Variants in CCDC158 observed in about 807,000 individuals in gnomAD.
CCDC158 encodes the protein coiled-coil domain-containing protein 158.
Under a neutral mutation model 138.6 loss-of-function variants are expected in CCDC158, and 116 were observed. That is an observed-to-expected ratio of 0.84 (90% CI 0.72 to 0.98). CCDC158 has a LOEUF of 0.98. CCDC158 is among the 50% of genes least tolerant of loss of function. The pLI, the probability that CCDC158 is intolerant of heterozygous loss-of-function variation, is 0.00. For synonymous variants in CCDC158, 436 were observed against 442.4 expected (o/e 0.99, Z 0.18); for missense variants, 1,265 against 1,306.1 (o/e 0.97, Z 0.48).
At chr4:76,367,846 G>A (rs570114585) in intron 11 of CCDC158, 70 bp from the exon 12 acceptor site, 3 of 1,393,512 alleles carry the variant, frequency 2.2e-6, no homozygotes, top group Middle Eastern at 1.9e-4. Flanking sequence ...AGAGATACAA[G>A]TTAACTTAAA....
intron 4 of CCDC158, among the ~76,000 whole-genome samples, chr4:76,389,092 T>C (rs918612387): frequency 6.6e-6 from 1 of 151,946 alleles, no homozygotes; most frequent in African/African-American, 2.4e-5. Context: ...CAGGAAAACA[T>C]GACCTCACTA....
intron 18 of CCDC158, among the ~76,000 whole-genome samples, chr4:76,350,421 T>C (rs1480849671): frequency 1.3e-5 from 2 of 152,236 alleles, no homozygotes; most frequent in African/African-American, 4.8e-5. Flanking sequence ...GAATGCCTTA[T>C]TTCTTTACAG....
At chr4:76,400,938 T>C (rs1418993246) in intron 3 of CCDC158, among the ~76,000 whole-genome samples, 1 of 151,822 alleles carries the variant, frequency 6.6e-6, no homozygotes, top group African/African-American at 2.4e-5. Context: ...TAGAAAGAGG[T>C]TGATAATTTT....
At chr4:76,369,386 G>A (rs1429497541) in intron 11 of CCDC158, 40 bp downstream of exon 11, 1 of 1,587,110 alleles carries the variant, frequency 6.3e-7, no homozygotes, top group South Asian at 1.1e-5. Context: ...TTCCCCAGAG[G>A]AGATTGTTTG....
In CCDC158 at chr4:76,325,838, G is replaced by T. The variant is rs1358996361; in HGVS notation, c.3169+19C>A. The stretch of plus-strand genomic sequence containing the variant: ...TAGGAAATCAATTAATCACGTCAAT[G>T]ATATCAGATCTTTCTTACCTTTAAC... On this transcript the variant is annotated intron_variant, in intron 23 of 24. Transcript: ENST00000682701. 1.1e-5 allele frequency: 17 copies of T among 1,595,978 alleles called. No individual in the cohort carries two copies. The Admixed American group carries it at 3.0e-4, about 28-fold the overall frequency.
intron 24 of CCDC158, among the ~76,000 whole-genome samples, chr4:76,322,236 C>T (rs1363531886): frequency 6.6e-6 from 1 of 152,138 alleles, no homozygotes; most frequent in Non-Finnish European, 1.5e-5. Flanking sequence ...CTTGGGTTAT[C>T]ACAGGGACTT....
rs1720848703 is a variant in CCDC158 at position 76,329,651 on chromosome 4, T to C, written c.2943-684A>G. On this transcript the variant is annotated intron_variant, in intron 21 of 24. Coordinates refer to ENST00000682701, the MANE Select transcript of CCDC158 (RefSeq NM_001394954.1). ...TTAGTAGTATCAGTGTACAAAACTA[T>C]AAGACATATAAGTTGAAGTAAACTA... 2.0e-5 allele frequency among the ~76,000 whole-genome samples: 3 copies of C among 152,286 alleles called. 1 individual carries two copies. The South Asian group carries it at 6.2e-4, about 32-fold the overall frequency.
intron 4 of CCDC158, among the ~76,000 whole-genome samples, chr4:76,391,328 C>T (rs886726814): frequency 6.6e-6 from 1 of 152,000 alleles, no homozygotes; most frequent in Non-Finnish European, 1.5e-5. Context: ...TATCAACCAT[C>T]TTCTCTGACA....
rs1247656253 is a variant in CCDC158 at position 76,396,486 on chromosome 4, C to A, written c.71G>T (p.Gly24Val). 2.5e-6 allele frequency: 4 copies of A among 1,592,584 alleles called. No individual in the cohort carries two copies. Among genetic ancestry groups the A allele is most frequent in the African/African-American group, 2.7e-5 (2 of 73,464 alleles). Residue 24 changes from glycine to valine, a missense_variant and splice_region_variant, in exon 4 of 25, where the codon GGT (glycine) becomes GTT (valine). Transcript: ENST00000682701. ...TGACACAAAAAATGAACTTGAAGAA[C>A]CTAAATATTAAAGAATTCATTAATT... ...LSSSGVTSNG[G>V]SSSSFFVSSI...
In CCDC158 at chr4:76,379,401, C is replaced by A. The variant is rs1320234579; in HGVS notation, c.918G>T (p.Glu306Asp). 4 of 1,588,926 alleles carry A rather than the reference C, an allele frequency of 2.5e-6. No homozygotes were observed. The Admixed American group carries it at 5.4e-5, about 21-fold the overall frequency. Reference protein sequence around the residue: ...SIQSQMEIIQEQARNQNSMYM... With the variant: ...SIQSQMEIIQDQARNQNSMYM... Reference sequence around the variant, plus strand: ...ACATAGAGTTTTGGTTTCTTGCTTGCTCTCTAAGAAGAGTTTAGAAGGGGA... The same window carrying A: ...ACATAGAGTTTTGGTTTCTTGCTTGATCTCTAAGAAGAGTTTAGAAGGGGA... The change falls in exon 9 of 25, where the codon GAG becomes GAT. Residue 306 changes from glutamate (E) to aspartate (D), a missense_variant. Physicochemically the swap from Glu to Asp is conservative, Grantham distance 45 (BLOSUM62 2). Transcript: ENST00000682701.
intron 1 of CCDC158, among the ~76,000 whole-genome samples, chr4:76,418,635 G>T (rs767078376): frequency 6.6e-6 from 1 of 152,186 alleles, no homozygotes; most frequent in African/African-American, 2.4e-5. Flanking sequence ...GAGAGAGCTT[G>T]TGCAGGGGGA....
Position 76,362,261 on chromosome 4 carries a change from C to T in CCDC158, c.1885G>A (p.Asp629Asn), listed in dbSNP as rs998473894. The T allele has an allele frequency of 1.9e-6, 3 of 1,614,154 alleles. No homozygotes were observed. Among genetic ancestry groups the T allele is most frequent in the Non-Finnish European group, 2.5e-6 (3 of 1,180,026 alleles). Residue 629 changes from aspartate to asparagine, a missense_variant, in exon 13 of 25, where the codon GAC (aspartate) becomes AAC (asparagine). Asp to Asn is a conservative substitution (Grantham distance 23). Coordinates refer to ENST00000682701, the MANE Select transcript of CCDC158 (RefSeq NM_001394954.1). ...KIRELEARVS[D>N]LELEKVKLVN... is the part of the protein sequence containing the mutation. ...AGCTTCACCTTTTCCAGCTCCAAGTCACTCACTCTGGCCTCAAGCTCCCGG... is the reference window on the plus strand; with the variant it reads ...AGCTTCACCTTTTCCAGCTCCAAGTTACTCACTCTGGCCTCAAGCTCCCGG...
chr4:76,380,691 C>G (rs536374572), intron 8 of CCDC158, among the ~76,000 whole-genome samples: 1 of 151,980 alleles, frequency 6.6e-6, no homozygotes. Context: ...TTCAAGCTGC[C>G]GGCTGCAGAA....
At chr4:76,390,077 T>C (rs2109804832) in intron 4 of CCDC158, among the ~76,000 whole-genome samples, 1 of 152,186 alleles carries the variant, frequency 6.6e-6, no homozygotes, top group South Asian at 2.1e-4. Flanking sequence ...AACACTGTAA[T>C]TGTGGTGTGT....
At chr4:76,390,503 C>T (rs1412101233) in intron 4 of CCDC158, among the ~76,000 whole-genome samples, 1 of 151,526 alleles carries the variant, frequency 6.6e-6, no homozygotes, top group Non-Finnish European at 1.5e-5. Flanking sequence ...ATAAAGAAAT[C>T]AAAGCATACC....
intron 9 of CCDC158, among the ~76,000 whole-genome samples, chr4:76,374,985 G>C (rs1725580922): frequency 6.6e-6 from 1 of 152,136 alleles, no homozygotes; most frequent in African/African-American, 2.4e-5. Context: ...TACTGACTCA[G>C]CTGCTATAGG....
intron 9 of CCDC158, among the ~76,000 whole-genome samples, chr4:76,373,149 T>G (rs911085545): frequency 6.6e-6 from 1 of 152,190 alleles, no homozygotes; most frequent in African/African-American, 2.4e-5. Context: ...GCGCCCGGCC[T>G]CTATAGTTCT....
chr4:76,384,306 T>G lies in CCDC158; in HGVS notation c.508A>C (p.Thr170Pro), dbSNP rs751219141. The G allele has an allele frequency of 6.2e-7, 1 of 1,614,194 alleles. No homozygotes were observed. The highest frequency in any genetic ancestry group is 1.3e-5 in the African/African-American group (1 of 75,062). Residue 170 changes from threonine to proline, a missense_variant, in exon 6 of 25, where the codon ACA (threonine) becomes CCA (proline). Physicochemically the swap from Thr to Pro is conservative, Grantham distance 38 (BLOSUM62 -1). Transcript: ENST00000682701. ...ATTTTTCGTAGTTGCTCTATCTGTG[T>G]GTTGCTGTCTTTCAGCATGTCCTCT... The part of the protein sequence containing the change: ...LKEDMLKDSN[T>P]QIEQLRKMML...
rs151011753 is a variant in CCDC158 at position 76,322,937 on chromosome 4, A to T, written c.3277+365T>A. On this transcript the variant is annotated intron_variant, in intron 24 of 24. Coordinates refer to ENST00000682701, the MANE Select transcript of CCDC158 (RefSeq NM_001394954.1). ...ATTTTGCTTTCTTGCTATTGACTATACTCTTTTCTTGGCTATTATTGTATA... is the reference window on the plus strand; with the variant it reads ...ATTTTGCTTTCTTGCTATTGACTATTCTCTTTTCTTGGCTATTATTGTATA... Among the ~76,000 whole-genome samples the T allele has an allele frequency of 3.9e-3, 594 of 152,212 alleles. 6 individuals are homozygous for T. Among genetic ancestry groups the T allele is most frequent in the African/African-American group, 0.013 (554 of 41,504 alleles).
Sources: allele counts gnomAD v4.1 joint callset (sites outside exome capture counted in the v4.1 genomes callset), GRCh38; gene constraint gnomAD v4.1.1; transcripts MANE v1.5; gene names NCBI Gene and HGNC (gene_info 2026-07-23, HGNC 2026-07-21).